The following ETS1 variants were observed in gnomAD, a reference collection of about 807,000 sequenced individuals.
The protein encoded by ETS1 is protein C-ets-1.
Under a neutral mutation model 58.6 loss-of-function variants are expected in ETS1, and 15 were observed. The ratio of observed to expected loss-of-function variants is 0.26; its 90% confidence interval spans 0.17 to 0.39. The LOEUF is 0.39. Among genes scored for constraint, ETS1 ranks in the 10% least tolerant of loss-of-function variants. The pLI is 1.00. For missense variants in ETS1, 417 were observed against 610.5 expected (o/e 0.68, Z 3.34); for synonymous variants, 214 against 218.2 (o/e 0.98, Z 0.17).
intron 1 of ETS1, among the ~76,000 whole-genome samples, chr11:128,573,627 C>G (rs1864683662): frequency 2.0e-5 from 3 of 152,054 alleles, no homozygotes; most frequent in Non-Finnish European, 4.4e-5. Flanking sequence ...CCCAGTAACC[C>G]AAGAAACAGA....
intron 3 of ETS1, among the ~76,000 whole-genome samples, chr11:128,511,880 A>C (rs1489935209): frequency 6.6e-6 from 1 of 152,226 alleles, no homozygotes; most frequent in Non-Finnish European, 1.5e-5. Flanking sequence ...GTAACTTGGC[A>C]TCGGTGCACT....
rs149917333 is a variant in ETS1 at position 128,494,939 on chromosome 11, T to A, written c.215-4363A>T. ...TGGGCCCAACCCCATCAGATTATGA[T>A]ACCAGTCATGTGTGTTGGGTATGGT... is the stretch of plus-strand genomic sequence containing the variant. On this transcript the variant is annotated intron_variant, in intron 3 of 9. Transcript: ENST00000392668. Among the ~76,000 whole-genome samples the A allele has an allele frequency of 8.6e-4, 131 of 152,306 alleles. 1 individual carries two copies. Among genetic ancestry groups the A allele is most frequent in the Admixed American group, 2.1e-3 (32 of 15,292 alleles).
At chr11:128,565,736 C>T (rs1418554723) in intron 2 of ETS1, among the ~76,000 whole-genome samples, 1 of 152,232 alleles carries the variant, frequency 6.6e-6, no homozygotes, top group African/African-American at 2.4e-5. Flanking sequence ...TATGTTTCAG[C>T]AGTCTCATTC....
intron 3 of ETS1, among the ~76,000 whole-genome samples, chr11:128,537,700 G>A (rs929428161): frequency 1.3e-5 from 2 of 151,964 alleles, no homozygotes; most frequent in African/African-American, 4.8e-5. Flanking sequence ...ATTTCTAATT[G>A]TGCTTTTTTT....
At chr11:128,550,158 C>T (rs973346362) in intron 3 of ETS1, among the ~76,000 whole-genome samples, 3 of 152,196 alleles carry the variant, frequency 2.0e-5, no homozygotes, top group Non-Finnish European at 4.4e-5. Flanking sequence ...AGGCCTGTAC[C>T]GGGATGTGCT....
rs1181112349 is a variant in ETS1, at chr11:128,464,131, C to T, written c.1124-504G>A. ...GTGAGTAAGAAGGATCACTATCCTC[C>T]GGCCCTCTTACAAGGAAATAGATGT... On this transcript the variant is annotated intron_variant, in intron 8 of 9. Coordinates refer to ENST00000392668, the MANE Select transcript of ETS1 (RefSeq NM_001143820.2). The surrounding 1 kb of genome is among the most constrained non-coding windows in gnomAD (Gnocchi z 4.1). Among the ~76,000 whole-genome samples the T allele has an allele frequency of 2.0e-5, 3 of 151,922 alleles. No homozygotes were observed. The highest frequency in any genetic ancestry group is 6.6e-5 in the Admixed American group (1 of 15,256).
chr11:128,521,685 G>A (rs542893396), intron 3 of ETS1, among the ~76,000 whole-genome samples: 5 of 152,284 alleles, frequency 3.3e-5, no homozygotes, highest in Non-Finnish European at 5.9e-5. Context: ...ACACAGCTGT[G>A]AAAATAAATA....
chr11:128,527,425 A>G (rs900427523), intron 3 of ETS1: 2 of 164,484 alleles, frequency 1.2e-5, no homozygotes, highest in Admixed American at 5.6e-5. Flanking sequence ...AGAGGTAAGG[A>G]GCTGCCCAAG....
Position 128,464,355 on chromosome 11 carries a change from GACACACAC to G in ETS1, c.1124-736_1124-729del, listed in dbSNP as rs58228263. On this transcript the variant is annotated intron_variant, in intron 8 of 9. Coordinates refer to ENST00000392668, the MANE Select transcript of ETS1 (RefSeq NM_001143820.2). The surrounding 1 kb of genome is among the most constrained non-coding windows in gnomAD (Gnocchi z 4.1). ...CATAGGTTCAGTATATTCTAAATTA[GACACACAC>G]ACACACACACACACACACACACACA... Among the ~76,000 whole-genome samples the G allele has an allele frequency of 0.012, 1,800 of 145,002 alleles. 26 individuals carry two copies. The highest frequency in any genetic ancestry group is 0.041 in the African/African-American group (1,596 of 39,346).
intron 8 of ETS1, among the ~76,000 whole-genome samples, chr11:128,478,905 A>G (rs1284080799): frequency 6.6e-6 from 1 of 152,240 alleles, no homozygotes; most frequent in East Asian, 1.9e-4. Context: ...ATGTTCAAGC[A>G]AAGACCACCA....
chr11:128,477,003 C>T (rs1862341177), intron 8 of ETS1, among the ~76,000 whole-genome samples: 1 of 152,240 alleles, frequency 6.6e-6, no homozygotes, highest in African/African-American at 2.4e-5. Context: ...AAGAATGTAA[C>T]TGTGCAGGAG....
At chr11:128,574,346 G>A (rs1047151344) in intron 1 of ETS1, among the ~76,000 whole-genome samples, 4 of 152,164 alleles carry the variant, frequency 2.6e-5, no homozygotes, top group Admixed American at 6.5e-5. Flanking sequence ...GTAGAATGCA[G>A]TCAAAATAAC....
chr11:128,547,653 A>T (rs1864152624), intron 3 of ETS1, among the ~76,000 whole-genome samples: 1 of 151,506 alleles, frequency 6.6e-6, no homozygotes. Context: ...TTTTTTTTTT[A>T]ATCCCACCTA....
At chr11:128,562,346 T>G (rs1174174084) in intron 2 of ETS1, among the ~76,000 whole-genome samples, 1 of 152,078 alleles carries the variant, frequency 6.6e-6, no homozygotes, top group Non-Finnish European at 1.5e-5. Flanking sequence ...GAGACAGAGG[T>G]TGCAGTGAGC....
intron 3 of ETS1, among the ~76,000 whole-genome samples, chr11:128,554,672 C>G (rs954014052): frequency 9.9e-5 from 15 of 151,408 alleles, no homozygotes; most frequent in Non-Finnish European, 1.8e-4. Flanking sequence ...ATGGAGAAGG[C>G]CTCAGATGTT....
chr11:128,477,107 A>T (rs1368944275), intron 8 of ETS1, among the ~76,000 whole-genome samples: 1 of 152,250 alleles, frequency 6.6e-6, no homozygotes, highest in East Asian at 1.9e-4. Flanking sequence ...TTTGGACGTG[A>T]TAGGGACAAA....
chr11:128,473,741 G>T (rs550046540), intron 8 of ETS1, among the ~76,000 whole-genome samples: 19 of 152,310 alleles, frequency 1.2e-4, no homozygotes, highest in African/African-American at 4.3e-4. Flanking sequence ...CGCTTCTCTT[G>T]AATGAGCCTC....
intron 2 of ETS1, among the ~76,000 whole-genome samples, chr11:128,565,637 T>C (rs1864481052): frequency 6.6e-6 from 1 of 152,198 alleles, no homozygotes; most frequent in Non-Finnish European, 1.5e-5. Flanking sequence ...CAGTCCAAGA[T>C]GCTGGAAAAA....
At chr11:128,486,514 C>G (rs1213691374) in intron 5 of ETS1, among the ~76,000 whole-genome samples, 4 of 152,228 alleles carry the variant, frequency 2.6e-5, no homozygotes. Context: ...TTAGCAGGAT[C>G]AATCCCCAAC....
Sources: gnomAD v4.1 joint callset for allele counts (sites outside exome capture counted in the v4.1 genomes callset) on GRCh38, gnomAD v4.1.1 for gene constraint, Gnocchi (gnomAD v3.1) non-coding constraint, MANE v1.5 for transcripts, NCBI Gene and HGNC (gene_info 2026-07-23, HGNC 2026-07-21) for gene names.